PDE3A: variants seen among roughly 807,000 people sequenced by gnomAD.
PDE3A encodes phosphodiesterase 3A, also known as cGMP-inhibited 3',5'-cyclic phosphodiesterase 3A.
A neutral mutation model predicts 98.3 loss-of-function variants in PDE3A; 43 were observed. The ratio of observed to expected loss-of-function variants is 0.44; its 90% CI spans 0.34 to 0.56. The LOEUF is 0.56. Ranked by LOEUF, PDE3A falls within the 20% of genes least tolerant of loss-of-function variation. The probability of loss-of-function intolerance (pLI) is 0.01; values close to 1 mark genes in which losing one functional copy is unlikely to be tolerated. For missense variants in PDE3A, 1,427 were observed against 1,440.7 expected, an observed-to-expected ratio of 0.99 and a Z score of 0.15; for synonymous variants, 663 against 567.9, an observed-to-expected ratio of 1.17 and a Z score of -2.38.
intron 1 of PDE3A, among the ~76,000 whole-genome samples, chr12:20,430,570 T>TGAAGAATTTAATTGTTTGGGGG (rs1944678788): frequency 6.6e-6 from 1 of 152,152 alleles, no homozygotes; most frequent in Non-Finnish European, 1.5e-5. Context: ...TGCATTATTT[T>TGAAGAATTTAATTGTTTGGGGG]CCTATTGAAG....
chr12:20,489,324 G>C (rs1428867566), intron 1 of PDE3A, among the ~76,000 whole-genome samples: 1 of 152,176 alleles, frequency 6.6e-6, no homozygotes, highest in Admixed American at 6.5e-5. Flanking sequence ...TACAAAGTTG[G>C]AGCGTTATAG....
In PDE3A at chr12:20,369,911, G is replaced by A. The variant is rs1462039000; in HGVS notation, c.627G>A (p.Arg209=). The change falls in exon 1 of 16, where the codon AGG becomes AGA. Residue 209 remains arginine (R), a synonymous_variant. Coordinates refer to ENST00000359062, the MANE Select transcript of PDE3A (RefSeq NM_000921.5). ...CGACATGGCTGGTGCTGAGGCTGAG[G>A]CTGGGCGTCCTCATGATCGCCTTGA... is the stretch of plus-strand genomic sequence containing the variant. The part of the protein sequence containing the change: ...AAATWLVLRL[R]LGVLMIALTS... 6.2e-7 allele frequency: 1 copy of A among 1,613,494 alleles called. No homozygotes were observed. Among genetic ancestry groups the A allele is most frequent in the African/African-American group, 1.3e-5 (1 of 75,064 alleles).
chr12:20,472,332 G>A (rs11045272), intron 1 of PDE3A, among the ~76,000 whole-genome samples: 54,732 of 151,878 alleles, frequency 0.36, 10,434 homozygotes, highest in East Asian at 0.67. Context: ...AATCTCTACG[G>A]TCTGATAGTT....
chr12:20,628,760 G>A (rs534707809), intron 5 of PDE3A, among the ~76,000 whole-genome samples: 2 of 152,166 alleles, frequency 1.3e-5, no homozygotes, highest in East Asian at 1.9e-4. Context: ...AAATAACAGC[G>A]CCAACAAGAA....
At position 20,673,912 on chromosome 12, in the gene PDE3A, G is replaced by T. The variant is rs546027558; in HGVS notation, c.3185-6118G>T. On this transcript the variant is annotated intron_variant, in intron 15 of 15. Coordinates refer to ENST00000359062, the MANE Select transcript of PDE3A (RefSeq NM_000921.5). ...TTGCACTGAATCCATACATTGCTTG[G>T]GTAGAATGGTCATTTTAACAATATT... Among the ~76,000 whole-genome samples, 50 of 151,850 alleles carry T rather than the reference G, an allele frequency of 3.3e-4. No homozygotes were observed. The Middle Eastern group carries it at 0.01, about 31-fold the overall frequency.
chr12:20,512,071 A>C (rs1946236036), intron 1 of PDE3A, among the ~76,000 whole-genome samples: 1 of 152,100 alleles, frequency 6.6e-6, no homozygotes, highest in Non-Finnish European at 1.5e-5. Context: ...ACCTGAGGAG[A>C]CATAAAGACC....
chr12:20,475,389 G>A (rs914507771), intron 1 of PDE3A, among the ~76,000 whole-genome samples: 1 of 152,008 alleles, frequency 6.6e-6, no homozygotes, highest in South Asian at 2.1e-4. Context: ...AAAAAGATAC[G>A]GAGGCTTTTT....
At chr12:20,458,412 T>G (rs1945190312) in intron 1 of PDE3A, among the ~76,000 whole-genome samples, 1 of 152,036 alleles carries the variant, frequency 6.6e-6, no homozygotes, top group Non-Finnish European at 1.5e-5. Flanking sequence ...TGGGTTGATG[T>G]TAGACAAATC....
rs1565532562 is a variant in PDE3A at position 20,386,122 on chromosome 12, A to AATATATAAATATATATAAAT, written c.960+15885_960+15886insAATATATATAAATATATATA. On this transcript the variant is annotated intron_variant, in intron 1 of 15. Transcript: ENST00000359062. The stretch of plus-strand genomic sequence containing the variant: ...ATAAATATATATATAAATATATATA[A>AATATATAAATATATATAAAT]ATATATATAAATATATATAAATATA... Among the ~76,000 whole-genome samples the AATATATAAATATATATAAAT allele has an allele frequency of 6.8e-3, 136 of 19,940 alleles. 17 individuals carry two copies. Among genetic ancestry groups the AATATATAAATATATATAAAT allele is most frequent in the African/African-American group, 0.016 (134 of 8,242 alleles). The allele number at this position is 19,940 out of a possible 152,430, so 13.1% of individuals were successfully genotyped here. A position where few individuals can be genotyped will look rare whatever the true frequency, so the allele number is the denominator to read the frequency against.
At chr12:20,569,395 A>G (rs1042438132) in intron 2 of PDE3A, among the ~76,000 whole-genome samples, 2 of 152,038 alleles carry the variant, frequency 1.3e-5, no homozygotes, top group African/African-American at 2.4e-5. Flanking sequence ...TTAAAAGTTT[A>G]TTTATTTATG....
At chr12:20,492,275 C>T (rs945078323) in intron 1 of PDE3A, among the ~76,000 whole-genome samples, 2 of 152,122 alleles carry the variant, frequency 1.3e-5, no homozygotes. Context: ...TGAGCCACTG[C>T]AGCAGTCCTA....
At chr12:20,517,128 C>T (rs1054914341) in intron 1 of PDE3A, among the ~76,000 whole-genome samples, 3 of 152,154 alleles carry the variant, frequency 2.0e-5, no homozygotes, top group African/African-American at 7.2e-5. Flanking sequence ...CTTTCCAATG[C>T]GGTTCTAGAA....
At chr12:20,563,944 G>A (rs1321472713) in intron 2 of PDE3A, among the ~76,000 whole-genome samples, 1 of 152,026 alleles carries the variant, frequency 6.6e-6, no homozygotes, top group Non-Finnish European at 1.5e-5. Context: ...TTACTGTTTA[G>A]TATTATGTCT....
intron 1 of PDE3A, among the ~76,000 whole-genome samples, chr12:20,391,340 G>C (rs1444179734): frequency 6.9e-6 from 1 of 144,476 alleles, no homozygotes; most frequent in East Asian, 2.0e-4. Flanking sequence ...GTGTGTGTAT[G>C]TATACATATA....
chr12:20,414,140 T>G (rs1039675640), intron 1 of PDE3A, among the ~76,000 whole-genome samples: 1 of 152,188 alleles, frequency 6.6e-6, no homozygotes, highest in Non-Finnish European at 1.5e-5. Context: ...TGTTAATATA[T>G]AGTGTAATAT....
At chr12:20,634,400 A>G (rs1944451715) in intron 7 of PDE3A, among the ~76,000 whole-genome samples, 1 of 152,156 alleles carries the variant, frequency 6.6e-6, no homozygotes, top group African/African-American at 2.4e-5. Flanking sequence ...GACAGTGAAG[A>G]AGGACAGATG....
Position 20,537,484 on chromosome 12 carries a change from T to C in PDE3A, c.961-19176T>C, listed in dbSNP as rs191069556. On this transcript the variant is annotated intron_variant, in intron 1 of 15. Coordinates refer to ENST00000359062, the MANE Select transcript of PDE3A (RefSeq NM_000921.5). ...TGTTTTCATGATGCATCTACTATTA[T>C]TTATTTTCGTATTTTCTGAAATTAT... Among the ~76,000 whole-genome samples the C allele has an allele frequency of 5.5e-4, 84 of 152,258 alleles. 1 individual carries two copies. The East Asian group carries it at 0.015, about 27-fold the overall frequency.
chr12:20,543,150 T>C (rs1941963252), intron 1 of PDE3A, among the ~76,000 whole-genome samples: 1 of 152,034 alleles, frequency 6.6e-6, no homozygotes, highest in Non-Finnish European at 1.5e-5. Context: ...AAATATTTCA[T>C]GAGAAAATTG....
At chr12:20,523,025 A>C (rs1001233514) in intron 1 of PDE3A, among the ~76,000 whole-genome samples, 12 of 151,036 alleles carry the variant, frequency 7.9e-5, no homozygotes, top group African/African-American at 2.9e-4. Flanking sequence ...ATGCACATGG[A>C]GGAGGTCTAA....
Sources: gnomAD v4.1 joint callset for allele counts (sites outside exome capture counted in the v4.1 genomes callset) on GRCh38, gnomAD v4.1.1 for gene constraint, MANE v1.5 for transcripts, NCBI Gene and HGNC (gene_info 2026-07-23, HGNC 2026-07-21) for gene names.